The following RNF180 variants were observed in gnomAD, a reference collection of about 807,000 sequenced individuals.
The protein encoded by RNF180 is ring finger protein 180.
In RNF180, 38 loss-of-function variants were observed where a neutral mutation model predicts 59.2. The observed-to-expected ratio is 0.64, with a 90% confidence interval of 0.50 to 0.84. The LOEUF (loss-of-function observed/expected upper bound fraction) is 0.84. RNF180 is among the 40% of genes least tolerant of loss of function. The pLI, the probability that RNF180 is intolerant of heterozygous loss-of-function variation, is 0.00. For missense variants in RNF180, 705 were observed against 700.9 expected, an observed-to-expected ratio of 1.01 and a Z score of -0.07; for synonymous variants, 262 against 240.3, an observed-to-expected ratio of 1.09 and a Z score of -0.84.
intron 5 of RNF180, among the ~76,000 whole-genome samples, chr5:64,241,541 A>T (rs989364899): frequency 6.6e-6 from 1 of 152,158 alleles, no homozygotes; most frequent in South Asian, 2.1e-4. Context: ...AACTTATTCT[A>T]TTTATTGCAT....
chr5:64,325,836 A>G (rs1390869783), intron 6 of RNF180, among the ~76,000 whole-genome samples: 1 of 152,136 alleles, frequency 6.6e-6, no homozygotes, highest in Non-Finnish European at 1.5e-5. Context: ...CCAAACTCAA[A>G]ATTTTCTCAA....
At chr5:64,235,775 A>C (rs1742401567) in intron 5 of RNF180, among the ~76,000 whole-genome samples, 1 of 152,126 alleles carries the variant, frequency 6.6e-6, no homozygotes, top group Non-Finnish European at 1.5e-5. Context: ...GTGAGTTCTC[A>C]CAAGATCTGG....
chr5:64,328,616 G>A (rs535115206), intron 6 of RNF180, among the ~76,000 whole-genome samples: 5 of 152,310 alleles, frequency 3.3e-5, no homozygotes, highest in African/African-American at 1.2e-4. Flanking sequence ...CAATTGGGAA[G>A]GGAGTTAGAG....
chr5:64,167,200 G>C (rs1351552272), intron 1 of RNF180, among the ~76,000 whole-genome samples: 1 of 152,180 alleles, frequency 6.6e-6, no homozygotes, highest in Non-Finnish European at 1.5e-5. Context: ...GAGGCGAGCT[G>C]TTAGGTTTCC....
At chr5:64,289,365 A>G (rs187195233) in intron 5 of RNF180, among the ~76,000 whole-genome samples, 19 of 152,134 alleles carry the variant, frequency 1.2e-4, no homozygotes, top group Admixed American at 1.1e-3. Flanking sequence ...TTTTTGTTGT[A>G]TCTCTGCCAG....
chr5:64,214,457 G>T lies in RNF180; in HGVS notation c.1131G>T (p.Arg377Ser). 1 of 1,613,890 alleles carries T rather than the reference G, an allele frequency of 6.2e-7. No individual in the cohort carries two copies. The stretch of plus-strand genomic sequence containing the variant: ...ATCAGAGGCTTAATAAGAGAGAAAG[G>T]AGCAAGTTGAAGAATCTAAGAAGGA... The part of the protein sequence containing the change: ...SINQRLNKRE[R>S]SKLKNLRRKQ... The change falls in exon 4 of 8, where the codon AGG becomes AGT. Residue 377 changes from arginine to serine, a missense_variant. By Grantham distance (110) the Arg-to-Ser change is moderately radical. Transcript: ENST00000389100.
At chr5:64,331,253 T>C (rs566413773) in intron 7 of RNF180, among the ~76,000 whole-genome samples, 497 of 152,310 alleles carry the variant, frequency 3.3e-3, no homozygotes, top group Non-Finnish European at 5.0e-3. Context: ...GGCAGGTTGA[T>C]GGTGGCAGGA....
chr5:64,360,278 G>A (rs1746197807), intron 7 of RNF180, among the ~76,000 whole-genome samples: 1 of 151,732 alleles, frequency 6.6e-6, no homozygotes, highest in Admixed American at 6.6e-5. Flanking sequence ...ATCAATAAAT[G>A]TAATCCAGCA....
Position 64,213,779 on chromosome 5 carries a change from T to C in RNF180, c.453T>C (p.Ala151=). The part of the protein sequence containing the change: ...PRVQSGCDKE[A]LLTGGGSENR... ...TTCAGTCAGGTTGTGACAAGGAAGC[T>C]CTGCTGACAGGTGGTGGCTCTGAAA... is the stretch of plus-strand genomic sequence containing the variant. Residue 151 remains alanine, a synonymous_variant, in exon 4 of 8, where the codon GCT becomes GCC. Coordinates refer to ENST00000389100, the MANE Select transcript of RNF180 (RefSeq NM_001113561.2). 6.2e-7 allele frequency: 1 copy of C among 1,614,192 alleles called. No homozygotes were observed. The highest frequency in any genetic ancestry group is 8.5e-7 in the Non-Finnish European group (1 of 1,180,018).
At chr5:64,339,890 T>C (rs934581822) in intron 7 of RNF180, among the ~76,000 whole-genome samples, 1 of 152,176 alleles carries the variant, frequency 6.6e-6, no homozygotes, top group Non-Finnish European at 1.5e-5. Context: ...ACATATTTCA[T>C]GTATTAACAC....
chr5:64,220,666 C>T (rs866534272), intron 5 of RNF180, among the ~76,000 whole-genome samples: 1 of 152,016 alleles, frequency 6.6e-6, no homozygotes, highest in East Asian at 1.9e-4. Context: ...TCTATTTAAA[C>T]AGCATTTCAT....
intron 5 of RNF180, among the ~76,000 whole-genome samples, chr5:64,248,356 C>T (rs1272696017): frequency 1.3e-5 from 2 of 152,098 alleles, no homozygotes; most frequent in Non-Finnish European, 2.9e-5. Flanking sequence ...GCAATCTATC[C>T]ATCTGACAAA....
chr5:64,298,331 T>C (rs1458110589), intron 5 of RNF180, among the ~76,000 whole-genome samples: 1 of 152,026 alleles, frequency 6.6e-6, no homozygotes, highest in East Asian at 1.9e-4. Context: ...TATGTCCAGG[T>C]TGGCATTGCC....
chr5:64,215,123 T>C (rs1270911469), intron 4 of RNF180, among the ~76,000 whole-genome samples: 1 of 152,170 alleles, frequency 6.6e-6, no homozygotes, highest in African/African-American at 2.4e-5. Context: ...CCCATAGTAA[T>C]ATGCTCCAGA....
At chr5:64,342,509 T>TA (rs760838275) in intron 7 of RNF180, among the ~76,000 whole-genome samples, 29 of 152,200 alleles carry the variant, frequency 1.9e-4, no homozygotes, top group Non-Finnish European at 2.8e-4. Context: ...AAAAAAGGCT[T>TA]AAAAAGTTGG....
chr5:64,348,390 T>G (rs966420443), intron 7 of RNF180, among the ~76,000 whole-genome samples: 1 of 152,104 alleles, frequency 6.6e-6, no homozygotes, highest in Admixed American at 6.6e-5. Flanking sequence ...TCTTTCAAGT[T>G]ATTTTATTCT....
intron 7 of RNF180, among the ~76,000 whole-genome samples, chr5:64,337,897 A>G (rs540334159): frequency 1.9e-4 from 29 of 151,832 alleles, no homozygotes; most frequent in South Asian, 1.0e-3. Flanking sequence ...TCTTAATCCA[A>G]TCTATCATTG....
intron 5 of RNF180, among the ~76,000 whole-genome samples, chr5:64,248,367 G>A (rs1017680332): frequency 1.3e-5 from 2 of 152,058 alleles, no homozygotes; most frequent in Admixed American, 1.3e-4. Context: ...ATCTGACAAA[G>A]GGCTAATACC....
At chr5:64,272,977 A>T (rs992586503) in intron 5 of RNF180, among the ~76,000 whole-genome samples, 6 of 151,944 alleles carry the variant, frequency 3.9e-5, no homozygotes, top group Non-Finnish European at 5.9e-5. Context: ...TCAAGGCTGG[A>T]GTACTAAATC....
Sources: allele counts gnomAD v4.1 joint callset (sites outside exome capture counted in the v4.1 genomes callset), GRCh38; gene constraint gnomAD v4.1.1; transcripts MANE v1.5; gene names NCBI Gene and HGNC (gene_info 2026-07-23, HGNC 2026-07-21).